ARHGAP24: variants seen among roughly 807,000 people sequenced by gnomAD.
The protein encoded by ARHGAP24 is rho GTPase-activating protein 24.
Under a neutral mutation model 76.4 loss-of-function variants are expected in ARHGAP24, and 50 were observed. That is an observed-to-expected ratio of 0.65 (90% CI 0.52 to 0.83). The LOEUF (loss-of-function observed/expected upper bound fraction) is 0.83. Ranked by LOEUF, ARHGAP24 falls within the 40% of genes least tolerant of loss-of-function variation. ARHGAP24 has a pLI of 0.00. For synonymous variants in ARHGAP24, 345 were observed against 323.3 expected (o/e 1.07, Z -0.72); for missense variants, 930 against 914.2 (o/e 1.02, Z -0.22).
chr4:85,783,187 C>T (rs1727643005), intron 3 of ARHGAP24, among the ~76,000 whole-genome samples: 1 of 152,016 alleles, frequency 6.6e-6, no homozygotes, highest in Non-Finnish European at 1.5e-5. Flanking sequence ...CTATAACCCC[C>T]CTCCTTTTCT....
chr4:85,609,228 T>C (rs1006017242), intron 2 of ARHGAP24, among the ~76,000 whole-genome samples: 25 of 152,204 alleles, frequency 1.6e-4, no homozygotes, highest in African/African-American at 5.5e-4. Context: ...AGAAATAGAA[T>C]ATATGGGGTA....
chr4:85,569,019 A>G (rs1014103754), intron 1 of ARHGAP24, among the ~76,000 whole-genome samples: 7 of 152,238 alleles, frequency 4.6e-5, no homozygotes, highest in Non-Finnish European at 1.0e-4. Flanking sequence ...AAGTGCAATT[A>G]TGGAAGATTT....
intron 3 of ARHGAP24, among the ~76,000 whole-genome samples, chr4:85,870,964 G>A (rs530035907): frequency 1.1e-4 from 16 of 152,202 alleles, no homozygotes; most frequent in African/African-American, 3.6e-4. Flanking sequence ...ATTTCTGTTT[G>A]CTGACCAGGG....
intron 2 of ARHGAP24, among the ~76,000 whole-genome samples, chr4:85,632,248 G>A (rs1252657889): frequency 6.6e-6 from 1 of 151,778 alleles, no homozygotes; most frequent in East Asian, 1.9e-4. Context: ...TAAAAACTTG[G>A]CTTATATTAC....
At chr4:85,632,547 A>G (rs534729179) in intron 2 of ARHGAP24, among the ~76,000 whole-genome samples, 4 of 150,484 alleles carry the variant, frequency 2.7e-5, no homozygotes, top group African/African-American at 1.0e-4. Context: ...TGTTAAAGGT[A>G]ATATAAAAGA....
At position 85,570,431 on chromosome 4, in the gene ARHGAP24, C is replaced by CTTT. The variant is rs202209554; in HGVS notation, c.-20-82_-20-80dup. The CTTT allele has an allele frequency of 3.9e-4, 165 of 424,378 alleles. 3 individuals carry two copies. Among genetic ancestry groups the CTTT allele is most frequent in the South Asian group, 1.1e-3 (23 of 21,714 alleles). The allele number at this position is 424,378 out of a possible 1,614,324, so 26.3% of individuals were successfully genotyped here. A position where few individuals can be genotyped will look rare whatever the true frequency, so the allele number is the denominator to read the frequency against. ...CTTTCTTTCTTTCCTCTCTCTCTCT[C>CTTT]TTTTTTTTTTTCTGGAGAAGAGTGG... On this transcript the variant is annotated intron_variant, in intron 1 of 9. Coordinates refer to ENST00000395184, the MANE Select transcript of ARHGAP24 (RefSeq NM_001025616.3).
At chr4:85,777,966 A>G (rs1727371422) in intron 3 of ARHGAP24, among the ~76,000 whole-genome samples, 1 of 152,182 alleles carries the variant, frequency 6.6e-6, no homozygotes. Context: ...ACAATAATCA[A>G]AACCAAATGT....
chr4:85,479,995 T>C (rs552769163), intron 1 of ARHGAP24, among the ~76,000 whole-genome samples: 6 of 152,342 alleles, frequency 3.9e-5, no homozygotes, highest in Non-Finnish European at 8.8e-5. Flanking sequence ...TTAAGAATAA[T>C]AGTCCAATCG....
At chr4:85,692,168 G>A (rs183576463) in intron 2 of ARHGAP24, among the ~76,000 whole-genome samples, 14 of 152,248 alleles carry the variant, frequency 9.2e-5, no homozygotes, top group African/African-American at 3.4e-4. Flanking sequence ...AATCTCTTCT[G>A]GCTTGTAAAG....
intron 3 of ARHGAP24, among the ~76,000 whole-genome samples, chr4:85,910,169 G>C (rs988020322): frequency 1.3e-5 from 2 of 152,204 alleles, no homozygotes; most frequent in Non-Finnish European, 2.9e-5. Context: ...CTGGCACCGG[G>C]GAACGCAGTG....
intron 3 of ARHGAP24, among the ~76,000 whole-genome samples, chr4:85,884,036 G>T (rs915338718): frequency 6.6e-6 from 1 of 152,076 alleles, no homozygotes; most frequent in African/African-American, 2.4e-5. Flanking sequence ...TATAGAATCT[G>T]GTCTCACAAA....
At chr4:85,657,569 A>G (rs1415244699) in intron 2 of ARHGAP24, among the ~76,000 whole-genome samples, 2 of 152,200 alleles carry the variant, frequency 1.3e-5, no homozygotes, top group Non-Finnish European at 2.9e-5. Flanking sequence ...GTCAAAACAG[A>G]GTAGTTTCTA....
At chr4:85,591,141 T>TTCAAGCAA (rs1362016529) in intron 2 of ARHGAP24, among the ~76,000 whole-genome samples, 1 of 140,640 alleles carries the variant, frequency 7.1e-6, no homozygotes, top group Non-Finnish European at 1.5e-5. Context: ...GCCTCCCGGG[T>TTCAAGCAA]TCAAGCAATT....
chr4:85,636,339 A>G (rs1721306256), intron 2 of ARHGAP24, among the ~76,000 whole-genome samples: 1 of 151,948 alleles, frequency 6.6e-6, no homozygotes, highest in African/African-American at 2.4e-5. Context: ...TCACAAGATA[A>G]TATCTGCAGT....
chr4:85,483,473 G>A (rs1037387318), intron 1 of ARHGAP24, among the ~76,000 whole-genome samples: 20 of 152,008 alleles, frequency 1.3e-4, no homozygotes, highest in Admixed American at 7.2e-4. Context: ...TTATCTGGGC[G>A]TGGTGGTGCA....
At chr4:85,723,531 A>G (rs1725039157) in intron 3 of ARHGAP24, 1 of 152,256 alleles carries the variant, frequency 6.6e-6, no homozygotes, top group African/African-American at 2.4e-5. Context: ...GTAATATGGA[A>G]TATGAAGGTT....
chr4:85,642,455 C>G (rs528830767), intron 2 of ARHGAP24, among the ~76,000 whole-genome samples: 1 of 152,080 alleles, frequency 6.6e-6, no homozygotes, highest in African/African-American at 2.4e-5. Context: ...CAGCATGCTC[C>G]AAACTTCCTC....
At chr4:85,794,159 G>T (rs7687906) in intron 3 of ARHGAP24, among the ~76,000 whole-genome samples, 127,927 of 152,164 alleles carry the variant, frequency 0.84, 53,868 homozygotes, top group Middle Eastern at 0.88. Flanking sequence ...TTAACAGAAG[G>T]GTCTATTTTC....
intron 3 of ARHGAP24, among the ~76,000 whole-genome samples, chr4:85,751,213 T>C (rs1726250032): frequency 1.3e-5 from 2 of 152,254 alleles, no homozygotes. Flanking sequence ...ATTTTAGATA[T>C]CTTTTTATAT....
Sources: allele counts gnomAD v4.1 joint callset (sites outside exome capture counted in the v4.1 genomes callset), GRCh38; gene constraint gnomAD v4.1.1; transcripts MANE v1.5; gene names NCBI Gene and HGNC (gene_info 2026-07-23, HGNC 2026-07-21).